PIK3C2G: variants seen among roughly 807,000 people sequenced by gnomAD.
PIK3C2G encodes the protein phosphatidylinositol 3-kinase C2 domain-containing subunit gamma.
Under a neutral mutation model 181.1 loss-of-function variants are expected in PIK3C2G, and 168 were observed. The ratio of observed to expected loss-of-function variants is 0.93; its 90% CI spans 0.82 to 1.05. The LOEUF is 1.05. PIK3C2G is among the 50% of genes least tolerant of loss of function. The pLI is 0.00. For synonymous variants in PIK3C2G, 573 were observed against 592.2 expected, an observed-to-expected ratio of 0.97 and a Z score of 0.47; for missense variants, 1,869 against 1,732.8, an observed-to-expected ratio of 1.08 and a Z score of -1.40.
At chr12:18,464,313 T>C (rs145614885) in intron 18 of PIK3C2G, among the ~76,000 whole-genome samples, 2,234 of 152,170 alleles carry the variant, frequency 0.015, 27 homozygotes, top group Non-Finnish European at 0.025. Context: ...TATAAGGGCA[T>C]GAATCCCATT....
intron 16 of PIK3C2G, among the ~76,000 whole-genome samples, chr12:18,403,871 C>G (rs1251975857): frequency 6.6e-6 from 1 of 152,028 alleles, no homozygotes; most frequent in African/African-American, 2.4e-5. Flanking sequence ...TTTCCTGAAC[C>G]CTCATTCCCA....
chr12:18,545,304 A>G (rs1337486221), intron 25 of PIK3C2G, among the ~76,000 whole-genome samples: 1 of 151,886 alleles, frequency 6.6e-6, no homozygotes, highest in Non-Finnish European at 1.5e-5. Flanking sequence ...GGAAAAAAGA[A>G]TAGTTTTTAT....
intron 18 of PIK3C2G, among the ~76,000 whole-genome samples, chr12:18,455,957 C>T (rs538205307): frequency 2.0e-5 from 3 of 152,160 alleles, no homozygotes; most frequent in Non-Finnish European, 4.4e-5. Context: ...TGACATTCGC[C>T]TTATGCCAGT....
At chr12:18,670,946 G>T in the PIK3C2G span, among the ~76,000 whole-genome samples, 3 of 152,106 alleles carry the variant, frequency 2.0e-5, no homozygotes, top group African/African-American at 7.2e-5. Context: ...ACTTTGGGAG[G>T]CTGAGGCAGG....
intron 8 of PIK3C2G, among the ~76,000 whole-genome samples, chr12:18,334,409 T>C (rs1167271950): frequency 6.6e-6 from 1 of 152,144 alleles, no homozygotes; most frequent in African/African-American, 2.4e-5. Context: ...TGAAAGACCA[T>C]CAAATACTTG....
the PIK3C2G span, among the ~76,000 whole-genome samples, chr12:18,686,639 C>T: frequency 6.6e-6 from 1 of 152,034 alleles, no homozygotes; most frequent in Non-Finnish European, 1.5e-5. Context: ...GAACCATCTC[C>T]AAAAGTGCCC....
At chr12:18,607,295 G>T (rs1948081301) in intron 30 of PIK3C2G, 4 of 403,044 alleles carry the variant, frequency 9.9e-6, no homozygotes, top group Non-Finnish European at 4.9e-6. Context: ...ACATACGAAT[G>T]AAAGTATAGA....
chr12:18,641,259 C>A (rs1268598983), intron 32 of PIK3C2G, among the ~76,000 whole-genome samples: 1 of 152,150 alleles, frequency 6.6e-6, no homozygotes, highest in African/African-American at 2.4e-5. Context: ...CCAAAATTAA[C>A]CCACATGATC....
At chr12:18,455,791 C>G (rs1303777637) in intron 18 of PIK3C2G, among the ~76,000 whole-genome samples, 2 of 152,100 alleles carry the variant, frequency 1.3e-5, no homozygotes, top group Admixed American at 6.6e-5. Flanking sequence ...TAATCACATC[C>G]CAAAGGCTTC....
intron 30 of PIK3C2G, among the ~76,000 whole-genome samples, chr12:18,600,066 A>G (rs1196650733): frequency 6.6e-6 from 1 of 152,048 alleles, no homozygotes; most frequent in African/African-American, 2.4e-5. Flanking sequence ...TAGAAAAATA[A>G]AGTAGTCAAT....
chr12:18,547,871 A>T (rs1487192716), intron 26 of PIK3C2G, among the ~76,000 whole-genome samples: 2 of 151,892 alleles, frequency 1.3e-5, no homozygotes, highest in Non-Finnish European at 2.9e-5. Flanking sequence ...GGTATTTTAG[A>T]CCCTTTATTT....
chr12:18,430,525 A>G (rs576985039), intron 18 of PIK3C2G, among the ~76,000 whole-genome samples: 1 of 152,294 alleles, frequency 6.6e-6, no homozygotes, highest in Admixed American at 6.5e-5. Flanking sequence ...AGTACTTGGC[A>G]CTTTATAGAC....
intron 17 of PIK3C2G, among the ~76,000 whole-genome samples, chr12:18,422,011 C>T (rs187207045): frequency 2.6e-5 from 4 of 152,082 alleles, no homozygotes; most frequent in Non-Finnish European, 4.4e-5. Flanking sequence ...ACAAGTTTAC[C>T]GTTCATCTCA....
intron 6 of PIK3C2G, among the ~76,000 whole-genome samples, chr12:18,319,075 A>G (rs1235393184): frequency 6.7e-6 from 1 of 149,918 alleles, no homozygotes; most frequent in Non-Finnish European, 1.5e-5. Context: ...ACAGAGCAAG[A>G]CTCTGTCTCA....
chr12:18,427,472 G>T (rs1945892644), intron 18 of PIK3C2G, among the ~76,000 whole-genome samples: 1 of 142,842 alleles, frequency 7.0e-6, no homozygotes, highest in Admixed American at 7.3e-5. Context: ...TTGCACTCCA[G>T]CCTGGGCTGA....
intron 29 of PIK3C2G, among the ~76,000 whole-genome samples, chr12:18,576,861 G>A (rs573362800): frequency 6.6e-6 from 1 of 152,276 alleles, no homozygotes; most frequent in Admixed American, 6.5e-5. Flanking sequence ...CTGTAGTCAA[G>A]GGCTGTGGAT....
At chr12:18,387,077 C>T (rs971952834) in intron 14 of PIK3C2G, among the ~76,000 whole-genome samples, 3 of 152,210 alleles carry the variant, frequency 2.0e-5, no homozygotes, top group Non-Finnish European at 4.4e-5. Flanking sequence ...TTCTTTATGT[C>T]TGTTCATGCC....
chr12:18,633,409 C>T (rs997216320), intron 31 of PIK3C2G, among the ~76,000 whole-genome samples: 1 of 152,158 alleles, frequency 6.6e-6, no homozygotes, highest in Admixed American at 6.6e-5. Context: ...GTCACATTGT[C>T]GTAGTTGGTA....
intron 18 of PIK3C2G, among the ~76,000 whole-genome samples, chr12:18,468,207 G>A (rs1938106979): frequency 6.6e-6 from 1 of 151,868 alleles, no homozygotes; most frequent in African/African-American, 2.4e-5. Flanking sequence ...TTGCATTCTG[G>A]AGTTAGTCTG....
Sources: gnomAD v4.1 joint callset for allele counts (sites outside exome capture counted in the v4.1 genomes callset) on GRCh38, gnomAD v4.1.1 for gene constraint, MANE v1.5 for transcripts, NCBI Gene and HGNC (gene_info 2026-07-23, HGNC 2026-07-21) for gene names.